FHOD3: variants seen among roughly 807,000 people sequenced by gnomAD.
The protein encoded by FHOD3 is formin homology 2 domain containing 3.
In FHOD3, 90 loss-of-function variants were observed where a neutral mutation model predicts 173.0. The ratio of observed to expected loss-of-function variants is 0.52; its 90% confidence interval spans 0.44 to 0.62. The LOEUF (loss-of-function observed/expected upper bound fraction) is 0.62, where lower values mean the gene tolerates loss of function less well. Among genes scored for constraint, FHOD3 ranks in the 20% least tolerant of loss-of-function variants. The pLI, the probability that FHOD3 is intolerant of heterozygous loss-of-function variation, is 0.00. For missense variants in FHOD3, 1,945 were observed against 2,034.7 expected (o/e 0.96, Z 0.85); for synonymous variants, 828 against 823.0 (o/e 1.01, Z -0.10).
rs559584334 is a variant in FHOD3, at chr18:36,537,023, T to A, written c.511+24480T>A. Among the ~76,000 whole-genome samples, 80 of 152,332 alleles carry A rather than the reference T, an allele frequency of 5.3e-4. 1 individual carries two copies. Among genetic ancestry groups the A allele is most frequent in the African/African-American group, 1.9e-3 (77 of 41,564 alleles). Reference sequence around the variant, plus strand: ...AATCTGATGTGATCTTGGTTTCCCTTAAGTCCAAGTTCTCTCATTTTCCTT... The same window carrying A: ...AATCTGATGTGATCTTGGTTTCCCTAAAGTCCAAGTTCTCTCATTTTCCTT... On this transcript the variant is annotated intron_variant, in intron 5 of 28. Transcript: ENST00000590592.
chr18:36,586,285 G>A (rs1461655243), intron 6 of FHOD3, among the ~76,000 whole-genome samples: 1 of 152,190 alleles, frequency 6.6e-6, no homozygotes, highest in Non-Finnish European at 1.5e-5. Context: ...AATGGGCTAT[G>A]CGACAAGTTA....
chr18:36,374,963 C>A (rs899511313), intron 3 of FHOD3, among the ~76,000 whole-genome samples: 9 of 152,134 alleles, frequency 5.9e-5, no homozygotes, highest in South Asian at 2.1e-4. Context: ...AACAGCAACA[C>A]CTAAAAAAGG....
chr18:36,728,166 C>T (rs1396680158), intron 19 of FHOD3, among the ~76,000 whole-genome samples: 1 of 152,202 alleles, frequency 6.6e-6, no homozygotes, highest in Non-Finnish European at 1.5e-5. Flanking sequence ...TTAATGGACA[C>T]ATTGCCAGCC....
At chr18:36,730,898 T>C (rs2041323999) in intron 20 of FHOD3, 94 bp downstream of exon 20, 1 of 1,339,226 alleles carries the variant, frequency 7.5e-7, no homozygotes, top group Non-Finnish European at 1.0e-6. Flanking sequence ...CCATGGTGCC[T>C]TTCTGTCTCA....
At chr18:36,706,810 T>C (rs1397487632) in intron 17 of FHOD3, among the ~76,000 whole-genome samples, 8 of 152,206 alleles carry the variant, frequency 5.3e-5, no homozygotes, top group African/African-American at 7.2e-5. Context: ...AAAACTTCAG[T>C]CCATGCCACA....
chr18:36,545,683 CTG>C (rs1295108127), intron 5 of FHOD3, among the ~76,000 whole-genome samples: 4 of 152,190 alleles, frequency 2.6e-5, no homozygotes, highest in Non-Finnish European at 5.9e-5. Flanking sequence ...TGTGAAAACA[CTG>C]TTGCGAGAAG....
chr18:36,701,681 T>C (rs1342019127), intron 17 of FHOD3, among the ~76,000 whole-genome samples: 1 of 152,200 alleles, frequency 6.6e-6, no homozygotes, highest in Non-Finnish European at 1.5e-5. Context: ...GCTTCAAATG[T>C]GAGTTTAGAG....
At chr18:36,745,402 C>T (rs560316988) in intron 23 of FHOD3, among the ~76,000 whole-genome samples, 2 of 152,336 alleles carry the variant, frequency 1.3e-5, no homozygotes, top group African/African-American at 4.8e-5. Flanking sequence ...CTAAACTCGC[C>T]TTCTCTTTCT....
intron 3 of FHOD3, among the ~76,000 whole-genome samples, chr18:36,498,124 T>C (rs2054841081): frequency 6.6e-6 from 1 of 152,210 alleles, no homozygotes; most frequent in African/African-American, 2.4e-5. Flanking sequence ...GGTTAAGTTA[T>C]TCCCCTCTGA....
chr18:36,748,156 A>C (rs1240213196), intron 24 of FHOD3, among the ~76,000 whole-genome samples: 1 of 152,170 alleles, frequency 6.6e-6, no homozygotes, highest in East Asian at 1.9e-4. Context: ...ACTATCCGTC[A>C]GTCAGTTCTT....
chr18:36,309,620 T>G (rs1410248181), intron 1 of FHOD3, among the ~76,000 whole-genome samples: 1 of 152,176 alleles, frequency 6.6e-6, no homozygotes, highest in Non-Finnish European at 1.5e-5. Flanking sequence ...GCGGCTAGTG[T>G]CTGAGCTGCC....
chr18:36,722,635 C>T (rs1185072083), intron 19 of FHOD3, among the ~76,000 whole-genome samples: 2 of 151,900 alleles, frequency 1.3e-5, no homozygotes. Flanking sequence ...GATAAGGTGT[C>T]ACTCTGTCGC....
intron 4 of FHOD3, among the ~76,000 whole-genome samples, chr18:36,503,967 C>T (rs2055168006): frequency 6.6e-6 from 1 of 152,214 alleles, no homozygotes; most frequent in Admixed American, 6.5e-5. Context: ...CTCTGTCACC[C>T]AGGCTGGAGT....
intron 10 of FHOD3, among the ~76,000 whole-genome samples, chr18:36,639,519 C>A (rs940751585): frequency 6.6e-6 from 1 of 152,058 alleles, no homozygotes; most frequent in Non-Finnish European, 1.5e-5. Flanking sequence ...AAAAATTAGC[C>A]GGGCGTGGTG....
chr18:36,382,052 G>T (rs920944640), intron 3 of FHOD3, among the ~76,000 whole-genome samples: 1 of 152,144 alleles, frequency 6.6e-6, no homozygotes. Context: ...GCCAGCCATC[G>T]CAGTGGGGCC....
chr18:36,382,077 G>A lies in FHOD3; in HGVS notation c.337+9333G>A, dbSNP rs567886884. ...GCAGTGGGGCCCAGGTCTCCGGGAG[G>A]TTGGAGGTGAGATGGTGGTGGTTTG... is the stretch of plus-strand genomic sequence containing the variant. On this transcript the variant is annotated intron_variant, in intron 3 of 28. Coordinates refer to ENST00000590592, the MANE Select transcript of FHOD3 (RefSeq NM_001281740.3). Among the ~76,000 whole-genome samples the A allele has an allele frequency of 2.6e-5, 4 of 152,334 alleles. No homozygotes were observed. The South Asian group carries it at 6.2e-4, about 24-fold the overall frequency.
chr18:36,573,363 G>C (rs1282950571), intron 5 of FHOD3, among the ~76,000 whole-genome samples: 1 of 151,798 alleles, frequency 6.6e-6, no homozygotes, highest in African/African-American at 2.4e-5. Context: ...CAGGCACTTT[G>C]GGATTCCAAG....
intron 20 of FHOD3, among the ~76,000 whole-genome samples, chr18:36,739,190 A>G (rs943273014): frequency 2.6e-5 from 4 of 152,250 alleles, no homozygotes; most frequent in Non-Finnish European, 5.9e-5. Flanking sequence ...CCAAAAACTT[A>G]CTGCCCCTTT....
chr18:36,590,006 T>A (rs1206591063), intron 6 of FHOD3, among the ~76,000 whole-genome samples: 1 of 152,192 alleles, frequency 6.6e-6, no homozygotes, highest in African/African-American at 2.4e-5. Context: ...TTTGCTGACA[T>A]GTCTGGGCCA....
Sources: allele counts gnomAD v4.1 joint callset (sites outside exome capture counted in the v4.1 genomes callset), GRCh38; gene constraint gnomAD v4.1.1; transcripts MANE v1.5; gene names NCBI Gene and HGNC (gene_info 2026-07-23, HGNC 2026-07-21).